Variants in GPR20 observed in about 807,000 individuals in gnomAD.
GPR20 encodes the protein G protein-coupled receptor 20, also known as CTD-3064M3.3.
For missense variants in GPR20, 494 were observed against 527.4 expected (o/e 0.94, Z 0.62); for synonymous variants, 241 against 241.9 (o/e 1.00, Z 0.04).
chr8:141,356,585 T>TACCCCTGTGAGTTTTCAGTGG lies in GPR20; in HGVS notation c.*241_*261dup. The TACCCCTGTGAGTTTTCAGTGG allele has an allele frequency of 9.5e-6, 4 of 419,008 alleles. No homozygotes were observed. Among genetic ancestry groups the TACCCCTGTGAGTTTTCAGTGG allele is most frequent in the Non-Finnish European group, 1.7e-5 (4 of 237,660 alleles). The allele number at this position is 419,008 out of a possible 1,614,324, so 26.0% of individuals were successfully genotyped here. A position where few individuals can be genotyped will look rare whatever the true frequency, so the allele number is the denominator to read the frequency against. On this transcript the variant is annotated 3_prime_UTR_variant, in exon 2 of 2. Transcript: ENST00000377741. ...GCCAAAGTGAGGAGCAGCTCCCGGC[T>TACCCCTGTGAGTTTTCAGTGG]ACCCCTGTGAGTTTTCAGTGGACGT...
rs753556010 is a variant in GPR20 at position 141,357,103 on chromosome 8, G to A, written c.821C>T (p.Thr274Met). The stretch of plus-strand genomic sequence containing the variant: ...GGCCACGTGGTAGACCACGAGGCTC[G>A]TGTGGTGTGGCATGTCGGGCCACAG... ...VALWPDMPHHTSLVVYHVAVT... is the reference protein window; with the variant it reads ...VALWPDMPHHMSLVVYHVAVT... Residue 274 changes from threonine to methionine, a missense_variant, in exon 2 of 2, where the codon ACG becomes ATG. Thr to Met is a moderately conservative substitution (Grantham distance 81). Transcript: ENST00000377741. 3.5e-5 allele frequency: 57 copies of A among 1,612,216 alleles called. 1 individual carries two copies. The highest frequency in any genetic ancestry group is 1.0e-4 in the Admixed American group (6 of 60,020).
chr8:141,364,575 G>A lies in GPR20; in HGVS notation c.-25+2626C>T, dbSNP rs374440550. 8.5e-5 allele frequency among the ~76,000 whole-genome samples: 13 copies of A among 152,290 alleles called. No individual in the cohort carries two copies. In the East Asian group the frequency reaches 2.5e-3, roughly 29 times the overall value. On this transcript the variant is annotated intron_variant, in intron 1 of 1. Coordinates refer to ENST00000377741, the MANE Select transcript of GPR20 (RefSeq NM_005293.3). ...CCTCCACCCCAGTGCAGAGAGAGAC[G>A]TCACTGGTGGGCACAGACTGAGCTC...
At chr8:141,361,976 C>T (rs1380323473) in intron 1 of GPR20, among the ~76,000 whole-genome samples, 1 of 152,206 alleles carries the variant, frequency 6.6e-6, no homozygotes, top group East Asian at 1.9e-4. Flanking sequence ...TCATGCCCTC[C>T]CCGTAGGTAT....
At chr8:141,363,706 C>T (rs1417058285) in intron 1 of GPR20, among the ~76,000 whole-genome samples, 1 of 152,244 alleles carries the variant, frequency 6.6e-6, no homozygotes, top group East Asian at 1.9e-4. Flanking sequence ...GTGGGGAGGG[C>T]TATGTCCTCT....
chr8:141,362,312 G>A (rs751722054), intron 1 of GPR20, among the ~76,000 whole-genome samples: 7 of 152,068 alleles, frequency 4.6e-5, no homozygotes, highest in South Asian at 4.1e-4. Flanking sequence ...GGCACCCTGC[G>A]CTTCCTCAAT....
chr8:141,362,153 C>A (rs879636709), intron 1 of GPR20, among the ~76,000 whole-genome samples: 1 of 152,214 alleles, frequency 6.6e-6, no homozygotes, highest in Admixed American at 6.5e-5. Context: ...CCTAAACACT[C>A]CATGCGCCCT....
intron 1 of GPR20, among the ~76,000 whole-genome samples, chr8:141,360,414 C>G (rs978166320): frequency 2.0e-5 from 3 of 152,206 alleles, no homozygotes; most frequent in African/African-American, 7.2e-5. Context: ...AGCCCTGATC[C>G]CAGCCACGAC....
Position 141,357,828 on chromosome 8 carries a change from C to G in GPR20, c.96G>C (p.Val32=). 6.2e-7 allele frequency: 1 copy of G among 1,613,232 alleles called. No homozygotes were observed. Among genetic ancestry groups the G allele is most frequent in the Non-Finnish European group, 8.5e-7 (1 of 1,179,864 alleles). The part of the protein sequence containing the change: ...TVRTNASGLE[V]PLFHLFARLD... ...GCCGGGCAAACAGGTGGAACAGGGG[C>G]ACCTCCAGCCCGCTGGCATTGGTCC... Residue 32 remains valine (V), a synonymous_variant, in exon 2 of 2, where the codon GTG becomes GTC. Coordinates refer to ENST00000377741, the MANE Select transcript of GPR20 (RefSeq NM_005293.3).
intron 1 of GPR20, among the ~76,000 whole-genome samples, chr8:141,360,281 A>T (rs923954424): frequency 2.0e-5 from 3 of 152,184 alleles, no homozygotes; most frequent in Non-Finnish European, 4.4e-5. Context: ...TTGGTCACAC[A>T]CTGAGCCATG....
At position 141,357,422 on chromosome 8, in the gene GPR20, T is replaced by G; in HGVS notation, c.502A>C (p.Arg168=). The G allele has an allele frequency of 1.2e-6, 2 of 1,607,314 alleles. No homozygotes were observed. The highest frequency in any genetic ancestry group is 1.7e-6 in the Non-Finnish European group (2 of 1,177,992). Residue 168 remains arginine (R), a synonymous_variant, in exon 2 of 2, where the codon AGG becomes CGG. Coordinates refer to ENST00000377741, the MANE Select transcript of GPR20 (RefSeq NM_005293.3). ...SRRCRQPACA[R]AVCAFVWLAA... ...AGCCACACGAAGGCGCACACGGCCC[T>G]GGCACAGGCAGGCTGGCGGCAGCGG...
chr8:141,364,241 T>C (rs1273944256), intron 1 of GPR20, among the ~76,000 whole-genome samples: 1 of 152,260 alleles, frequency 6.6e-6, no homozygotes, highest in Non-Finnish European at 1.5e-5. Context: ...CGGGTCTGTG[T>C]GTGCTTGAGC....
At position 141,358,365 on chromosome 8, in the gene GPR20, G is replaced by A. The variant is rs566788031; in HGVS notation, c.-24-418C>T. Among the ~76,000 whole-genome samples, 10 of 152,352 alleles carry A rather than the reference G, an allele frequency of 6.6e-5. No homozygotes were observed. In the South Asian group the frequency reaches 2.1e-3, roughly 32 times the overall value. On this transcript the variant is annotated intron_variant, in intron 1 of 1. Transcript: ENST00000377741. ...TGGCTCCAGCCCCAGCTGTGCCACTGACTAGTGTGCTTGCTCGGGTAGGCC... is the reference window on the plus strand; with the variant it reads ...TGGCTCCAGCCCCAGCTGTGCCACTAACTAGTGTGCTTGCTCGGGTAGGCC...
chr8:141,358,085 C>T (rs533569005), intron 1 of GPR20, 138 bp from the exon 2 acceptor site: 51 of 591,498 alleles, frequency 8.6e-5, no homozygotes, highest in South Asian at 6.5e-4. Context: ...GCTGGGGCCT[C>T]AAATGCCTGC....
intron 1 of GPR20, among the ~76,000 whole-genome samples, chr8:141,362,017 C>G: frequency 6.6e-6 from 1 of 152,218 alleles, no homozygotes; most frequent in African/African-American, 2.4e-5. Context: ...CTAGGCGGGG[C>G]TGCCGCTGGG....
At chr8:141,360,111 G>A (rs1203128514) in intron 1 of GPR20, among the ~76,000 whole-genome samples, 3 of 152,156 alleles carry the variant, frequency 2.0e-5, no homozygotes, top group Non-Finnish European at 2.9e-5. Flanking sequence ...GTCCTGGCTA[G>A]GGATGTGGGG....
At chr8:141,358,250 A>T (rs549869958) in intron 1 of GPR20, among the ~76,000 whole-genome samples, 2 of 152,214 alleles carry the variant, frequency 1.3e-5, no homozygotes, top group South Asian at 4.2e-4. Flanking sequence ...CACGAGGGGG[A>T]GGCGGAAACA....
At chr8:141,364,109 C>T (rs964653754) in intron 1 of GPR20, among the ~76,000 whole-genome samples, 3 of 152,232 alleles carry the variant, frequency 2.0e-5, no homozygotes, top group African/African-American at 4.8e-5. Flanking sequence ...TGGCAGGACC[C>T]GGCACAGGCC....
intron 1 of GPR20, among the ~76,000 whole-genome samples, chr8:141,364,822 C>A (rs1831790730): frequency 6.6e-6 from 1 of 152,166 alleles, no homozygotes; most frequent in Non-Finnish European, 1.5e-5. Flanking sequence ...GGGGCATGGC[C>A]AGTTGGAGGT....
rs201215470 is a variant in GPR20, at chr8:141,357,038, C to T, written c.886G>A (p.Val296Ile). Residue 296 changes from valine (V) to isoleucine (I), a missense_variant, in exon 2 of 2, where the codon GTC becomes ATC. Coordinates refer to ENST00000377741, the MANE Select transcript of GPR20 (RefSeq NM_005293.3). ...AAGCCACTGGTGACGAAGCAGTAGA[C>T]GATGGGGTCCATGCAGCTGTTGAGG... ...SSLNSCMDPI[V>I]YCFVTSGFQA... The T allele has an allele frequency of 3.3e-5, 54 of 1,612,948 alleles. No homozygotes were observed. Among genetic ancestry groups the T allele is most frequent in the Middle Eastern group, 3.3e-4 (2 of 6,060 alleles).
Sources: allele counts gnomAD v4.1 joint callset (sites outside exome capture counted in the v4.1 genomes callset), GRCh38; gene constraint gnomAD v4.1.1; transcripts MANE v1.5; gene names NCBI Gene and HGNC (gene_info 2026-07-23, HGNC 2026-07-21).